Variants in TENM2 observed in about 807,000 individuals in gnomAD.
The protein encoded by TENM2 is teneurin-2.
A neutral mutation model predicts 245.2 loss-of-function variants in TENM2; 52 were observed. The ratio of observed to expected loss-of-function variants is 0.21; its 90% CI spans 0.17 to 0.27. TENM2 has a LOEUF of 0.27. Ranked by LOEUF, TENM2 falls within the 10% of genes least tolerant of loss-of-function variation. TENM2 has a pLI of 1.00. For missense variants in TENM2, 3,046 were observed against 3,666.8 expected (o/e 0.83, Z 4.37); for synonymous variants, 1,363 against 1,438.9 (o/e 0.95, Z 1.19).
intron 2 of TENM2, among the ~76,000 whole-genome samples, chr5:167,625,985 C>T (rs532261305): frequency 7.8e-4 from 118 of 152,230 alleles, no homozygotes; most frequent in African/African-American, 2.7e-3. Context: ...AAGAAGAAGA[C>T]ATCTCTTCTA....
At chr5:167,571,085 A>C (rs1293345085) in intron 2 of TENM2, among the ~76,000 whole-genome samples, 4 of 152,206 alleles carry the variant, frequency 2.6e-5, no homozygotes, top group African/African-American at 9.7e-5. Flanking sequence ...AGGTGATGAA[A>C]TATTGTCCAT....
intron 12 of TENM2, among the ~76,000 whole-genome samples, chr5:168,144,578 CATT>C: frequency 6.6e-6 from 1 of 151,272 alleles, no homozygotes; most frequent in Non-Finnish European, 1.5e-5. Context: ...TCCAGTCTAT[CATT>C]GTTGGACATT....
At chr5:167,935,219 T>C (rs1039461255) in intron 3 of TENM2, among the ~76,000 whole-genome samples, 1 of 152,184 alleles carries the variant, frequency 6.6e-6, no homozygotes, top group Non-Finnish European at 1.5e-5. Context: ...GTTAGGATTC[T>C]CACACTTCTC....
chr5:167,887,937 T>A (rs1774426951), intron 3 of TENM2, among the ~76,000 whole-genome samples: 1 of 152,194 alleles, frequency 6.6e-6, no homozygotes, highest in African/African-American at 2.4e-5. Flanking sequence ...TCTTTGGTTG[T>A]GGCAGCATAA....
At chr5:166,996,998 T>A in the TENM2 span, among the ~76,000 whole-genome samples, 1 of 152,184 alleles carries the variant, frequency 6.6e-6, no homozygotes, top group Non-Finnish European at 1.5e-5. Flanking sequence ...ATATTACTAG[T>A]CTTTATTCAC....
chr5:167,829,304 C>G (rs997155596), intron 2 of TENM2, among the ~76,000 whole-genome samples: 2 of 152,210 alleles, frequency 1.3e-5, no homozygotes, highest in African/African-American at 2.4e-5. Flanking sequence ...GCCTCATGTT[C>G]CTGGCTTGCC....
the TENM2 span, among the ~76,000 whole-genome samples, chr5:167,160,203 G>A: frequency 1.9e-3 from 282 of 152,286 alleles, no homozygotes; most frequent in Middle Eastern, 3.4e-3. Flanking sequence ...CTCCTCACTG[G>A]ACTCCTGTTT....
At chr5:167,829,636 A>G (rs1768292671) in intron 2 of TENM2, among the ~76,000 whole-genome samples, 1 of 152,292 alleles carries the variant, frequency 6.6e-6, no homozygotes, top group African/African-American at 2.4e-5. Flanking sequence ...ACATATATAT[A>G]ATAATTATAC....
At chr5:167,041,493 G>A in the TENM2 span, among the ~76,000 whole-genome samples, 1 of 152,154 alleles carries the variant, frequency 6.6e-6, no homozygotes, top group East Asian at 1.9e-4. Context: ...TGACCACGAA[G>A]TGTCCAATTA....
At chr5:167,912,866 C>A (rs1776654799) in intron 3 of TENM2, among the ~76,000 whole-genome samples, 1 of 152,076 alleles carries the variant, frequency 6.6e-6, no homozygotes, top group Non-Finnish European at 1.5e-5. Flanking sequence ...ACTTAATGTA[C>A]ACATTTTGTC....
At chr5:168,009,600 G>A (rs1785075066) in intron 5 of TENM2, among the ~76,000 whole-genome samples, 1 of 152,120 alleles carries the variant, frequency 6.6e-6, no homozygotes, top group South Asian at 2.1e-4. Flanking sequence ...TCAGATGCTA[G>A]GAGCCCGAAG....
At chr5:167,662,629 CTTA>C (rs893066207) in intron 2 of TENM2, among the ~76,000 whole-genome samples, 4 of 152,188 alleles carry the variant, frequency 2.6e-5, no homozygotes, top group Non-Finnish European at 4.4e-5. Context: ...GAAAATGAAA[CTTA>C]TTATCATTTG....
At chr5:167,717,711 A>G (rs1028188351) in intron 2 of TENM2, among the ~76,000 whole-genome samples, 3 of 152,162 alleles carry the variant, frequency 2.0e-5, no homozygotes, top group African/African-American at 7.2e-5. Flanking sequence ...TCAAAGCTGC[A>G]TCGAGAGGCT....
At chr5:167,611,223 C>T (rs1777458996) in intron 2 of TENM2, among the ~76,000 whole-genome samples, 2 of 152,170 alleles carry the variant, frequency 1.3e-5, no homozygotes, top group South Asian at 4.1e-4. Flanking sequence ...TAGCATTTGA[C>T]ATTATCAATA....
At chr5:167,043,259 C>A in the TENM2 span, among the ~76,000 whole-genome samples, 7 of 152,078 alleles carry the variant, frequency 4.6e-5, no homozygotes, top group Non-Finnish European at 1.0e-4. Context: ...GAAAAGATAG[C>A]TTTTTATTTC....
intron 4 of TENM2, among the ~76,000 whole-genome samples, chr5:167,960,163 C>T (rs1298183935): frequency 6.6e-6 from 1 of 152,328 alleles, no homozygotes; most frequent in African/African-American, 2.4e-5. Flanking sequence ...AGTCAGGAGG[C>T]ACGGGGGTTA....
In TENM2 at chr5:167,593,474, T is replaced by C. The variant is rs577033118; in HGVS notation, c.502+218001T>C. Reference sequence around the variant, plus strand: ...TTGTTCCATGTAAAATAAAACTTTCTTTGAACTGCATCTGGAGAATTTAGG... The same window carrying C: ...TTGTTCCATGTAAAATAAAACTTTCCTTGAACTGCATCTGGAGAATTTAGG... On this transcript the variant is annotated intron_variant, in intron 2 of 28. Coordinates refer to ENST00000518659, the Ensembl canonical transcript of TENM2. Among the ~76,000 whole-genome samples, 16 of 152,330 alleles carry C rather than the reference T, an allele frequency of 1.1e-4. No homozygotes were observed. The South Asian group carries it at 2.9e-3, about 28-fold the overall frequency.
the TENM2 span, among the ~76,000 whole-genome samples, chr5:167,007,550 A>G: frequency 6.6e-6 from 1 of 152,136 alleles, no homozygotes; most frequent in African/African-American, 2.4e-5. The surrounding 1 kb of genome is among the most constrained non-coding windows in gnomAD (Gnocchi z 4.2). Flanking sequence ...GTCCTGTGGT[A>G]CTTTTATGTT....
At chr5:167,002,564 G>A in the TENM2 span, among the ~76,000 whole-genome samples, 1 of 152,002 alleles carries the variant, frequency 6.6e-6, no homozygotes, top group Non-Finnish European at 1.5e-5. Context: ...CAGCACATTG[G>A]GAGGCCAAGG....
Sources: allele counts gnomAD v4.1 joint callset (sites outside exome capture counted in the v4.1 genomes callset), GRCh38; gene constraint gnomAD v4.1.1; non-coding constraint Gnocchi (gnomAD v3.1); transcripts MANE v1.5; gene names NCBI Gene and HGNC (gene_info 2026-07-23, HGNC 2026-07-21).